The following SULT1C4 variants were observed in gnomAD, a reference collection of about 807,000 sequenced individuals.
SULT1C4 encodes the protein sulfotransferase family 1C member 4.
A neutral mutation model predicts 34.8 loss-of-function variants in SULT1C4; 32 were observed. The observed-to-expected ratio is 0.92, with a 90% CI of 0.69 to 1.23. SULT1C4 has a LOEUF of 1.23. Among genes scored for constraint, SULT1C4 ranks in the 50% most tolerant of loss-of-function variants. The pLI, the probability that SULT1C4 is intolerant of heterozygous loss-of-function variation, is 0.00. For synonymous variants in SULT1C4, 111 were observed against 120.5 expected (o/e 0.92, Z 0.51); for missense variants, 375 against 365.9 (o/e 1.02, Z -0.20).
chr2:108,386,215 G>A lies in SULT1C4; in HGVS notation c.639G>A (p.Lys213=). 1 of 1,522,448 alleles carries A rather than the reference G, an allele frequency of 6.6e-7. No homozygotes were observed. The highest frequency in any genetic ancestry group is 8.8e-7 in the Non-Finnish European group (1 of 1,131,764). The allele number at this position is 1,522,448 out of a possible 1,614,324, so 94.3% of individuals were successfully genotyped here. The change falls in exon 6 of 7, where the codon AAG becomes AAA. Residue 213 remains lysine, a synonymous_variant. Transcript: ENST00000272452. ...AGAACCCAAAGCATGAAATTCAGAA[G>A]CTGGCAGAATTTATTGGGAAGAAAT... The part of the protein sequence containing the change: ...MKKNPKHEIQ[K]LAEFIGKKLD...
intron 2 of SULT1C4, 31 bp from the exon 3 acceptor site, chr2:108,382,354 C>G (rs746653855): frequency 5.2e-6 from 8 of 1,541,406 alleles, no homozygotes; most frequent in Non-Finnish European, 7.1e-6. Flanking sequence ...AAAAAAAAAT[C>G]GTAGAAATTG....
Position 108,383,431 on chromosome 2 carries a change from G to A in SULT1C4, c.536G>A (p.Trp179Ter). 2 of 1,614,062 alleles carry A rather than the reference G, an allele frequency of 1.2e-6. No individual in the cohort carries two copies. Among genetic ancestry groups the A allele is most frequent in the Non-Finnish European group, 8.5e-7 (1 of 1,179,958 alleles). Residue 179 changes from tryptophan to a stop codon, truncating the protein, a stop_gained, in exon 5 of 7, where the codon TGG (tryptophan) becomes TAG (stop). Coordinates refer to ENST00000272452, the MANE Select transcript of SULT1C4 (RefSeq NM_006588.4). LOFTEE classifies it high-confidence loss of function. ...CATCCTCCAGTGTGCTGGGGCTCCT[G>A]GCATGAACATGTGAAAGGATGGTGG... ...FLAGKVCWGS[W>*]HEHVKGWWEA...
In SULT1C4 at chr2:108,386,314, C is replaced by T. The variant is rs557004877; in HGVS notation, c.738C>T (p.Asn246=). 1.8e-4 allele frequency: 286 copies of T among 1,579,328 alleles called. 3 individuals carry two copies. The South Asian group carries it at 3.2e-3, about 18-fold the overall frequency. Residue 246 remains asparagine, a synonymous_variant, in exon 6 of 7, where the codon AAC becomes AAT. Transcript: ENST00000272452. The part of the protein sequence containing the change: ...FDVMKQNPMA[N]YSSIPAEIMD... ...TCATGAAACAGAATCCAATGGCAAA[C>T]TATTCATCGATTCCTGCTGAAATCA...
chr2:108,383,434 A>C lies in SULT1C4; in HGVS notation c.539A>C (p.His180Pro). The C allele has an allele frequency of 6.2e-7, 1 of 1,614,184 alleles. No individual in the cohort carries two copies. Among genetic ancestry groups the C allele is most frequent in the Non-Finnish European group, 8.5e-7 (1 of 1,180,008 alleles). ...CCTCCAGTGTGCTGGGGCTCCTGGC[A>C]TGAACATGTGAAAGGATGGTGGGAA... The part of the protein sequence containing the change: ...LAGKVCWGSW[H>P]EHVKGWWEAK... The change falls in exon 5 of 7, where the codon CAT (histidine) becomes CCT (proline). Residue 180 changes from histidine to proline, a missense_variant. His to Pro is a moderately conservative substitution (Grantham distance 77, BLOSUM62 -2). Transcript: ENST00000272452.
intron 6 of SULT1C4, among the ~76,000 whole-genome samples, chr2:108,386,906 G>A (rs375217757): frequency 6.6e-6 from 1 of 152,200 alleles, no homozygotes; most frequent in African/African-American, 2.4e-5. Flanking sequence ...GAGAATTTGT[G>A]GGGGGAGGTC....
At chr2:108,383,568 T>C in intron 5 of SULT1C4, 58 bp downstream of exon 5, 2 of 1,479,926 alleles carry the variant, frequency 1.4e-6, no homozygotes, top group Non-Finnish European at 1.9e-6. Flanking sequence ...TAAGTCATAA[T>C]GCATTGACCC....
intron 2 of SULT1C4, 75 bp from the exon 3 acceptor site, chr2:108,382,310 A>G (rs1573295164): frequency 8.6e-7 from 1 of 1,159,620 alleles, no homozygotes; most frequent in East Asian, 2.3e-5. Context: ...TAGTAGTAAT[A>G]ATGGAAGCAG....
intron 1 of SULT1C4, 104 bp from the exon 2 acceptor site, chr2:108,381,658 C>G: frequency 1.6e-6 from 2 of 1,254,614 alleles, no homozygotes; most frequent in Non-Finnish European, 2.0e-6. Context: ...CAAAACAAAA[C>G]AAAACAAAAC....
Position 108,387,795 on chromosome 2 carries a change from A to ATTTT in SULT1C4, c.*379_*382dup, listed in dbSNP as rs57444248. ...TCAGATTAAGTTTTGGTTCAAGTTA[A>ATTTT]TTTTTTTTTTTTTTTTTTTGAGACG... On this transcript the variant is annotated 3_prime_UTR_variant, in exon 7 of 7. Transcript: ENST00000272452. 2.1e-5 allele frequency: 3 copies of ATTTT among 140,756 alleles called. No individual in the cohort carries two copies. The highest frequency in any genetic ancestry group is 7.2e-5 in the Admixed American group (1 of 13,946). 8.7% of individuals were successfully genotyped at this position (140,756 alleles called of 1,614,324 possible). A position where few individuals can be genotyped will look rare whatever the true frequency, so the allele number is the denominator to read the frequency against.
At position 108,388,336 on chromosome 2, in the gene SULT1C4, C is replaced by T. The variant is rs146420904; in HGVS notation, c.*904C>T. Among the ~76,000 whole-genome samples, 70 of 152,078 alleles carry T rather than the reference C, an allele frequency of 4.6e-4. No homozygotes were observed. The East Asian group carries it at 0.012, about 27-fold the overall frequency. ...CTACAATCCTGGAGTCACCTCTTGA[C>T]TCATCTTTCCCATTGCCACCACAAT... On this transcript the variant is annotated 3_prime_UTR_variant, in exon 7 of 7. Transcript: ENST00000272452.
chr2:108,383,872 TTTG>T (rs1461926195), intron 5 of SULT1C4, among the ~76,000 whole-genome samples: 3 of 152,032 alleles, frequency 2.0e-5, no homozygotes, highest in African/African-American at 7.3e-5. Context: ...TGTTTTTGTT[TTTG>T]TTTTTGAGAC....
chr2:108,381,847 A>G lies in SULT1C4; in HGVS notation c.255A>G (p.Arg85=). 1 of 1,508,930 alleles carries G rather than the reference A, an allele frequency of 6.6e-7. No individual in the cohort carries two copies. The highest frequency in any genetic ancestry group is 8.8e-7 in the Non-Finnish European group (1 of 1,134,884). 93.5% of individuals were successfully genotyped at this position (1,508,930 alleles called of 1,614,324 possible). The change falls in exon 2 of 7, where the codon CGA becomes CGG. Residue 85 remains arginine (R), a synonymous_variant. Coordinates refer to ENST00000272452, the MANE Select transcript of SULT1C4 (RefSeq NM_006588.4). ...GTAAACGGGCACCGACTCATCAACGATTTCCTTTCCTCGAAATGAAAATCC... is the reference window on the plus strand; with the variant it reads ...GTAAACGGGCACCGACTCATCAACGGTTTCCTTTCCTCGAAATGAAAATCC... ...EKSKRAPTHQ[R]FPFLEMKIPS...
intron 1 of SULT1C4, 48 bp downstream of exon 1, chr2:108,378,554 G>GT: frequency 6.3e-7 from 1 of 1,581,856 alleles, no homozygotes; most frequent in Non-Finnish European, 8.6e-7. Flanking sequence ...AGTTAGGAAG[G>GT]TAAGTGGAAG....
intron 5 of SULT1C4, among the ~76,000 whole-genome samples, chr2:108,384,744 A>G (rs1359385316): frequency 6.6e-6 from 1 of 152,218 alleles, no homozygotes; most frequent in Non-Finnish European, 1.5e-5. Context: ...TATTGTAAAT[A>G]ATCATCTACT....
At position 108,383,313 on chromosome 2, in the gene SULT1C4, C is replaced by T. The variant is rs1678468174; in HGVS notation, c.520+94C>T. 4 of 1,588,450 alleles carry T rather than the reference C, an allele frequency of 2.5e-6. No individual in the cohort carries two copies. The East Asian group carries it at 6.7e-5, about 27-fold the overall frequency. ...TTTCTTTTGACCAGCAGGGGCTCTG[C>T]CTTCTTTAATGGAACATTCTCACTT... On this transcript the variant is annotated intron_variant, in intron 4 of 6. Coordinates refer to ENST00000272452, the MANE Select transcript of SULT1C4 (RefSeq NM_006588.4).
chr2:108,378,461 C>T lies in SULT1C4; in HGVS notation c.124C>T (p.Gln42Ter). The T allele has an allele frequency of 6.2e-7, 1 of 1,614,144 alleles. No individual in the cohort carries two copies. Among genetic ancestry groups the T allele is most frequent in the Non-Finnish European group, 8.5e-7 (1 of 1,180,010 alleles). Reference protein sequence around the residue: ...CDIWDKIWNFQAKPDDLLIST... With the variant: ...CDIWDKIWNF ...CATCTGGGATAAGATCTGGAACTTC[C>T]AAGCCAAGCCTGATGACCTGCTTAT... The change falls in exon 1 of 7, where the codon CAA (glutamine) becomes TAA (stop). Residue 42 changes from glutamine (Q) to a stop codon, truncating the protein, a stop_gained. Coordinates refer to ENST00000272452, the MANE Select transcript of SULT1C4 (RefSeq NM_006588.4). LOFTEE classifies it high-confidence loss of function.
At chr2:108,386,909 G>C (rs1187983153) in intron 6 of SULT1C4, among the ~76,000 whole-genome samples, 1 of 152,220 alleles carries the variant, frequency 6.6e-6, no homozygotes, top group Non-Finnish European at 1.5e-5. Context: ...AATTTGTGGG[G>C]GGAGGTCTTA....
In SULT1C4 at chr2:108,378,203, C is replaced by T. The variant is rs1403202186; in HGVS notation, c.-135C>T. ...AACTCACTTTCTCCCTGTTTGCTGG[C>T]CCAGACAGGCCTGTGCTAGAGGGCT... On this transcript the variant is annotated 5_prime_UTR_variant, in exon 1 of 7. Coordinates refer to ENST00000272452, the MANE Select transcript of SULT1C4 (RefSeq NM_006588.4). 4 of 772,106 alleles carry T rather than the reference C, an allele frequency of 5.2e-6. No individual in the cohort carries two copies. The highest frequency in any genetic ancestry group is 8.0e-6 in the Non-Finnish European group (4 of 500,352). 47.8% of individuals were successfully genotyped at this position (772,106 alleles called of 1,614,324 possible). A position where few individuals can be genotyped will look rare whatever the true frequency, so the allele number is the denominator to read the frequency against.
In SULT1C4 at chr2:108,378,280, C is replaced by T. The variant is rs1196347035; in HGVS notation, c.-58C>T. On this transcript the variant is annotated 5_prime_UTR_variant, in exon 1 of 7. Coordinates refer to ENST00000272452, the MANE Select transcript of SULT1C4 (RefSeq NM_006588.4). ...AGTGCTGCCTCTATCCACAACGCAG[C>T]CATATGCTGACTGAAGATAACTTTG... The T allele has an allele frequency of 6.5e-7, 1 of 1,535,300 alleles. No individual in the cohort carries two copies. Among genetic ancestry groups the T allele is most frequent in the South Asian group, 1.2e-5 (1 of 82,876 alleles).
Sources: allele counts gnomAD v4.1 joint callset (sites outside exome capture counted in the v4.1 genomes callset), GRCh38; gene constraint gnomAD v4.1.1; transcripts MANE v1.5; gene names NCBI Gene and HGNC (gene_info 2026-07-23, HGNC 2026-07-21).